SEMA6A: variants seen among roughly 807,000 people sequenced by gnomAD.
SEMA6A encodes the protein semaphorin-6A.
A neutral mutation model predicts 96.8 loss-of-function variants in SEMA6A; 25 were observed. That is an observed-to-expected ratio of 0.26 (90% CI 0.19 to 0.36). The LOEUF (loss-of-function observed/expected upper bound fraction) is 0.36, where lower values mean the gene tolerates loss of function less well. Ranked by LOEUF, SEMA6A falls within the 10% of genes least tolerant of loss-of-function variation. The pLI is 1.00. For synonymous variants in SEMA6A, 612 were observed against 518.0 expected, an observed-to-expected ratio of 1.18 and a Z score of -2.46; for missense variants, 1,363 against 1,323.1, an observed-to-expected ratio of 1.03 and a Z score of -0.47.
At chr5:116,524,102 C>A (rs1053770170) in intron 1 of SEMA6A, among the ~76,000 whole-genome samples, 1 of 152,152 alleles carries the variant, frequency 6.6e-6, no homozygotes, top group Non-Finnish European at 1.5e-5. Context: ...TCTTTTCCAG[C>A]ATGGGGCGTG....
At chr5:116,467,519 A>G (rs1406676333) in intron 18 of SEMA6A, 64 bp downstream of exon 18, 8 of 1,498,412 alleles carry the variant, frequency 5.3e-6, no homozygotes, top group South Asian at 2.7e-5. Context: ...GGAAGCAGTT[A>G]CACAGTCCTC....
intron 11 of SEMA6A, 29 bp from the exon 12 acceptor site, chr5:116,480,306 G>C (rs1202598690): frequency 6.2e-7 from 1 of 1,611,208 alleles, no homozygotes; most frequent in African/African-American, 1.3e-5. Context: ...TGAGGAAGGA[G>C]GGAGCTTATT....
At chr5:116,564,228 A>C in intron 1 of SEMA6A, among the ~76,000 whole-genome samples, 1 of 152,214 alleles carries the variant, frequency 6.6e-6, no homozygotes, top group Admixed American at 6.5e-5. Flanking sequence ...CGCTGCCTTG[A>C]AGCTCATTCT....
chr5:116,515,509 C>A (rs910143127), intron 1 of SEMA6A, among the ~76,000 whole-genome samples: 2 of 152,108 alleles, frequency 1.3e-5, no homozygotes, highest in South Asian at 4.1e-4. Flanking sequence ...TGAATCCAAG[C>A]ATTTTTCCTA....
At chr5:116,532,730 A>G (rs976017853) in intron 1 of SEMA6A, among the ~76,000 whole-genome samples, 1 of 152,054 alleles carries the variant, frequency 6.6e-6, no homozygotes, top group African/African-American at 2.4e-5. Context: ...AAATCAATGA[A>G]TCAGTAAAGA....
intron 1 of SEMA6A, among the ~76,000 whole-genome samples, chr5:116,573,022 C>T (rs1208430141): frequency 1.3e-5 from 2 of 152,232 alleles, no homozygotes; most frequent in Non-Finnish European, 2.9e-5. Context: ...CCCTGGCTCC[C>T]CCCGTGCCGC....
chr5:116,473,731 C>A (rs188164936), intron 16 of SEMA6A, among the ~76,000 whole-genome samples: 43 of 152,226 alleles, frequency 2.8e-4, no homozygotes, highest in African/African-American at 9.9e-4. Context: ...AATGATTGTA[C>A]CAGTTAGAGA....
Position 116,523,321 on chromosome 5 carries a change from CTT to C in SEMA6A, c.-38-18341_-38-18340del, listed in dbSNP as rs1320429257. On this transcript the variant is annotated intron_variant, in intron 1 of 18. Coordinates refer to ENST00000343348, the MANE Select transcript of SEMA6A (RefSeq NM_020796.5). ...TTACTGGGGTGGGAGACAGCAGTTT[CTT>C]TTCTTTTTGAGACAGGGTCTTGCTC... Among the ~76,000 whole-genome samples, 4 of 152,084 alleles carry C rather than the reference CTT, an allele frequency of 2.6e-5. No homozygotes were observed. In the East Asian group the frequency reaches 7.8e-4, roughly 30 times the overall value.
At chr5:116,471,195 C>T (rs891852518) in intron 17 of SEMA6A, 2 of 152,122 alleles carry the variant, frequency 1.3e-5, no homozygotes, top group African/African-American at 4.8e-5. Context: ...CTTTAGTTGC[C>T]TCAAGACCTG....
At chr5:116,484,281 A>G (rs1756932832) in intron 10 of SEMA6A, among the ~76,000 whole-genome samples, 1 of 152,188 alleles carries the variant, frequency 6.6e-6, no homozygotes, top group African/African-American at 2.4e-5. Context: ...AAGATATCCT[A>G]GGGTTTCGTA....
At chr5:116,492,159 G>C (rs1249889973) in intron 6 of SEMA6A, among the ~76,000 whole-genome samples, 1 of 152,070 alleles carries the variant, frequency 6.6e-6, no homozygotes, top group Non-Finnish European at 1.5e-5. Flanking sequence ...TGGTCTGTGG[G>C]TCTGGCATGT....
intron 1 of SEMA6A, among the ~76,000 whole-genome samples, chr5:116,551,907 GA>G (rs1306452081): frequency 6.6e-6 from 1 of 152,202 alleles, no homozygotes; most frequent in African/African-American, 2.4e-5. Flanking sequence ...TCAACTTTCT[GA>G]CAGCTATCGT....
chr5:116,480,224 T>C lies in SEMA6A; in HGVS notation c.1148A>G (p.Glu383Gly), dbSNP rs778830635. Residue 383 changes from glutamate to glycine, a missense_variant, in exon 12 of 19, where the codon GAG becomes GGG. Physicochemically the swap from Glu to Gly is moderately conservative, Grantham distance 98. This residue lies in a region of SEMA6A where 480 missense variants were observed against 559.5 expected (regional missense o/e 0.86). Coordinates refer to ENST00000343348, the MANE Select transcript of SEMA6A (RefSeq NM_020796.5). ...SSLERYATSNEFPDDTLNFIK... is the reference protein window; with the variant it reads ...SSLERYATSNGFPDDTLNFIK... Reference sequence around the variant, plus strand: ...GAAGTTCAGGGTATCATCAGGGAACTCATTGGAGGTTGCATATCTTTCTAA... The same window carrying C: ...GAAGTTCAGGGTATCATCAGGGAACCCATTGGAGGTTGCATATCTTTCTAA... 8.7e-6 allele frequency: 14 copies of C among 1,613,756 alleles called. No homozygotes were observed. The South Asian group carries it at 1.5e-4, about 18-fold the overall frequency.
intron 1 of SEMA6A, among the ~76,000 whole-genome samples, chr5:116,522,176 C>T (rs1758985061): frequency 1.3e-5 from 2 of 152,090 alleles, no homozygotes; most frequent in Admixed American, 6.5e-5. Flanking sequence ...TGTAGGAGGT[C>T]AGATTTGGGT....
intron 7 of SEMA6A, among the ~76,000 whole-genome samples, chr5:116,490,274 G>A (rs1232274828): frequency 1.3e-5 from 2 of 152,078 alleles, no homozygotes; most frequent in Non-Finnish European, 2.9e-5. Flanking sequence ...TTTTCTTATG[G>A]ATTTTGAGCC....
At chr5:116,562,019 G>T (rs1760836167) in intron 1 of SEMA6A, among the ~76,000 whole-genome samples, 1 of 151,858 alleles carries the variant, frequency 6.6e-6, no homozygotes, top group South Asian at 2.1e-4. Context: ...GGCTACATGT[G>T]AATCTACTCT....
chr5:116,495,349 A>C (rs1347606893), intron 6 of SEMA6A, 64 bp downstream of exon 6: 1 of 1,203,040 alleles, frequency 8.3e-7, no homozygotes, highest in African/African-American at 1.5e-5. Flanking sequence ...TGCTGCAGGT[A>C]CAATCACAGT....
At chr5:116,503,367 C>A (rs1757985651) in intron 2 of SEMA6A, among the ~76,000 whole-genome samples, 1 of 152,136 alleles carries the variant, frequency 6.6e-6, no homozygotes. Flanking sequence ...TGGTATAAGA[C>A]AATCTTGTGC....
intron 18 of SEMA6A, among the ~76,000 whole-genome samples, chr5:116,452,385 A>C (rs1754692469): frequency 6.6e-6 from 1 of 151,922 alleles, no homozygotes. Flanking sequence ...ATCATGTCTT[A>C]AATTGGCAGA....
Sources: allele counts gnomAD v4.1 joint callset (sites outside exome capture counted in the v4.1 genomes callset), GRCh38; gene constraint gnomAD v4.1.1; regional missense constraint gnomAD v4.1.1; transcripts MANE v1.5; gene names NCBI Gene and HGNC (gene_info 2026-07-23, HGNC 2026-07-21).